The following HECW1 variants were observed in gnomAD, a reference collection of about 807,000 sequenced individuals.
The protein encoded by HECW1 is E3 ubiquitin-protein ligase HECW1.
In HECW1, 61 loss-of-function variants were observed where a neutral mutation model predicts 182.3. That is an observed-to-expected ratio of 0.33 (90% CI 0.27 to 0.41). The LOEUF (loss-of-function observed/expected upper bound fraction) is 0.41, where lower values mean the gene tolerates loss of function less well. HECW1 is among the 10% of genes least tolerant of loss of function. HECW1 has a pLI of 1.00. For missense variants in HECW1, 1,739 were observed against 2,108.9 expected (o/e 0.82, Z 3.44); for synonymous variants, 859 against 832.6 (o/e 1.03, Z -0.55).
chr7:43,304,459 GTTATTTAT>G (rs61241516), intron 3 of HECW1, among the ~76,000 whole-genome samples: 5,463 of 141,296 alleles, frequency 0.039, 114 homozygotes, highest in South Asian at 0.063. Context: ...ATTCAACACA[GTTATTTAT>G]TTATTTATTT....
chr7:43,132,363 G>A (rs1407059085), intron 2 of HECW1, among the ~76,000 whole-genome samples: 1 of 152,140 alleles, frequency 6.6e-6, no homozygotes, highest in East Asian at 1.9e-4. Flanking sequence ...CTTACTAATA[G>A]GGACAAATTC....
chr7:43,240,899 G>A (rs1203685034), intron 2 of HECW1, among the ~76,000 whole-genome samples: 1 of 152,150 alleles, frequency 6.6e-6, no homozygotes, highest in East Asian at 1.9e-4. Flanking sequence ...TCTGCAGAGG[G>A]ACCCTCCCCA....
At chr7:43,135,573 T>C (rs1259738321) in intron 2 of HECW1, among the ~76,000 whole-genome samples, 13 of 152,350 alleles carry the variant, frequency 8.5e-5, no homozygotes, top group South Asian at 6.2e-4. Context: ...ATGGCTTGTT[T>C]GGTCAATGTC....
intron 24 of HECW1, among the ~76,000 whole-genome samples, chr7:43,527,065 A>G (rs2080788163): frequency 6.6e-6 from 1 of 152,198 alleles, no homozygotes; most frequent in South Asian, 2.1e-4. Flanking sequence ...GCAGCCTTTT[A>G]TGGTCAAATT....
chr7:43,170,982 G>A (rs1462958207), intron 2 of HECW1, among the ~76,000 whole-genome samples: 1 of 152,194 alleles, frequency 6.6e-6, no homozygotes, highest in Non-Finnish European at 1.5e-5. Flanking sequence ...TTGAGCTAGA[G>A]AAAGTGACAC....
At chr7:43,260,174 G>A (rs1263150644) in intron 3 of HECW1, among the ~76,000 whole-genome samples, 1 of 152,244 alleles carries the variant, frequency 6.6e-6, no homozygotes, top group Non-Finnish European at 1.5e-5. Flanking sequence ...CCCCAGTTGA[G>A]AAAGAATTTG....
chr7:43,193,464 C>T (rs906543349), intron 2 of HECW1, among the ~76,000 whole-genome samples: 1 of 152,174 alleles, frequency 6.6e-6, no homozygotes, highest in Non-Finnish European at 1.5e-5. Context: ...TCACTGCACC[C>T]TCTGTCTCCG....
chr7:43,299,489 G>T (rs947187173), intron 3 of HECW1, among the ~76,000 whole-genome samples: 3 of 152,086 alleles, frequency 2.0e-5, no homozygotes, highest in Non-Finnish European at 4.4e-5. Flanking sequence ...GCTTTTGTCC[G>T]TGAGTTCAAA....
chr7:43,228,547 A>G (rs1797627675), intron 2 of HECW1, among the ~76,000 whole-genome samples: 1 of 152,162 alleles, frequency 6.6e-6, no homozygotes, highest in South Asian at 2.1e-4. Flanking sequence ...GGAGAAGAAC[A>G]CTTGCATGGA....
intron 5 of HECW1, among the ~76,000 whole-genome samples, chr7:43,332,754 G>C (rs1031041189): frequency 6.6e-6 from 1 of 152,192 alleles, no homozygotes; most frequent in African/African-American, 2.4e-5. Flanking sequence ...CCTGAGTAGA[G>C]GAATAACACT....
chr7:43,300,082 T>C (rs561389278), intron 3 of HECW1, among the ~76,000 whole-genome samples: 1 of 152,376 alleles, frequency 6.6e-6, no homozygotes, highest in East Asian at 1.9e-4. Flanking sequence ...TTCTTTCTTC[T>C]ATCAATGTTG....
chr7:43,542,073 T>A lies in HECW1; in HGVS notation c.4248+75T>A, dbSNP rs1302561252. On this transcript the variant is annotated intron_variant, in intron 26 of 29. Coordinates refer to ENST00000395891, the MANE Select transcript of HECW1 (RefSeq NM_015052.5). Reference sequence around the variant, plus strand: ...AAATGCACATAACATAAAGTTATCATCTTAATCATTTTTAAGTGTAGACTT... The same window carrying A: ...AAATGCACATAACATAAAGTTATCAACTTAATCATTTTTAAGTGTAGACTT... 3.9e-6 allele frequency: 5 copies of A among 1,272,172 alleles called. No individual in the cohort carries two copies. In the East Asian group the frequency reaches 1.4e-4, roughly 35 times the overall value. 78.8% of individuals were successfully genotyped at this position (1,272,172 alleles called of 1,614,324 possible).
rs116914041 is a variant in HECW1 at position 43,312,911 on chromosome 7, T to C, written c.352+824T>C. Among the ~76,000 whole-genome samples, 476 of 152,356 alleles carry C rather than the reference T, an allele frequency of 3.1e-3. 2 individuals are homozygous for C. The highest frequency in any genetic ancestry group is 4.8e-3 in the Non-Finnish European group (327 of 68,032). On this transcript the variant is annotated intron_variant, in intron 4 of 29. Transcript: ENST00000395891. ...CTGGAAGGCCACAAGAGTCAACAGA[T>C]TCAACACCGGGTCATCCGAGGCCAG... is the stretch of plus-strand genomic sequence containing the variant.
chr7:43,123,580 T>C (rs1785863420), intron 2 of HECW1, among the ~76,000 whole-genome samples: 1 of 152,220 alleles, frequency 6.6e-6, no homozygotes, highest in African/African-American at 2.4e-5. Context: ...TCTGCAGTCT[T>C]TGCCCATTCT....
At chr7:43,161,564 T>C (rs986279959) in intron 2 of HECW1, 1 of 151,926 alleles carries the variant, frequency 6.6e-6, no homozygotes, top group Non-Finnish European at 1.5e-5. Context: ...TGAGACACAT[T>C]TTCTCTGGCT....
intron 2 of HECW1, among the ~76,000 whole-genome samples, chr7:43,162,192 A>C (rs1295604839): frequency 6.6e-6 from 1 of 152,236 alleles, no homozygotes; most frequent in Non-Finnish European, 1.5e-5. Flanking sequence ...GATGATATTT[A>C]GAACTTACTT....
chr7:43,247,859 A>AAGAG (rs1799560219), intron 3 of HECW1, among the ~76,000 whole-genome samples: 1 of 116,094 alleles, frequency 8.6e-6, no homozygotes, highest in African/African-American at 5.5e-5. Context: ...GAAGGAAGGA[A>AAGAG]AGAAAGAAGA....
intron 9 of HECW1, chr7:43,440,535 A>G (rs1280309307): frequency 6.6e-6 from 1 of 152,240 alleles, no homozygotes; most frequent in Admixed American, 6.5e-5. Flanking sequence ...CATGCTTTGT[A>G]TCAACTGCAG....
chr7:43,360,803 C>A, intron 5 of HECW1, 83 bp from the exon 6 acceptor site: 1 of 999,256 alleles, frequency 1.0e-6, no homozygotes, highest in Non-Finnish European at 1.6e-6. Context: ...TGTTGCAGTT[C>A]TTAGAGATGT....
Sources: allele counts gnomAD v4.1 joint callset (sites outside exome capture counted in the v4.1 genomes callset), GRCh38; gene constraint gnomAD v4.1.1; transcripts MANE v1.5; gene names NCBI Gene and HGNC (gene_info 2026-07-23, HGNC 2026-07-21).